Variants in ANKRD45 observed in about 807,000 individuals in gnomAD.
ANKRD45 encodes ankyrin repeat domain-containing protein 45.
In ANKRD45, 21 loss-of-function variants were observed where a neutral mutation model predicts 28.1. The ratio of observed to expected loss-of-function variants is 0.75; its 90% CI spans 0.53 to 1.08. The LOEUF (loss-of-function observed/expected upper bound fraction) is 1.08. Among genes scored for constraint, ANKRD45 ranks in the 50% least tolerant of loss-of-function variants. The pLI is 0.00. For synonymous variants in ANKRD45, 86 were observed against 103.9 expected (o/e 0.83, Z 1.05); for missense variants, 261 against 308.7 (o/e 0.85, Z 1.16).
At chr1:173,667,444 C>T (rs1670070665) in intron 1 of ANKRD45, among the ~76,000 whole-genome samples, 1 of 152,150 alleles carries the variant, frequency 6.6e-6, no homozygotes, top group South Asian at 2.1e-4. Context: ...TGGCTCACAC[C>T]TGTAATCACA....
the ANKRD45 span, among the ~76,000 whole-genome samples, chr1:173,696,166 G>A: frequency 4.6e-5 from 7 of 152,022 alleles, no homozygotes; most frequent in East Asian, 1.9e-4. Context: ...TGTCTCCCCC[G>A]GACACCCAGC....
chr1:173,635,539 A>T, intron 3 of ANKRD45: 1 of 1,530,398 alleles, frequency 6.5e-7, no homozygotes, highest in Non-Finnish European at 8.7e-7. Flanking sequence ...ATCAAAGACT[A>T]CCGCTGATTT....
chr1:173,682,176 G>C, the ANKRD45 span, among the ~76,000 whole-genome samples: 19 of 152,040 alleles, frequency 1.2e-4, no homozygotes, highest in African/African-American at 4.3e-4. Flanking sequence ...TCTGAGCTCT[G>C]GGCTGAGCCT....
intron 3 of ANKRD45, chr1:173,636,893 G>T: frequency 6.5e-7 from 1 of 1,535,752 alleles, no homozygotes; most frequent in South Asian, 1.2e-5. Flanking sequence ...CAACAACATT[G>T]ACCAAACACT....
chr1:173,614,576 G>A lies in ANKRD45; in HGVS notation c.731-4361C>T, dbSNP rs553466758. Reference sequence around the variant, plus strand: ...TTGGACAGCCACTTTCATAGATTTCGTATGCAAATCTGCCTGCTTGCTAAA... The same window carrying A: ...TTGGACAGCCACTTTCATAGATTTCATATGCAAATCTGCCTGCTTGCTAAA... On this transcript the variant is annotated intron_variant, in intron 5 of 5. Coordinates refer to ENST00000333279, the MANE Select transcript of ANKRD45 (RefSeq NM_198493.3). Among the ~76,000 whole-genome samples the A allele has an allele frequency of 6.2e-4, 94 of 151,998 alleles. No individual in the cohort carries two copies. The South Asian group carries it at 0.013, about 21-fold the overall frequency.
chr1:173,629,628 A>G (rs1370854261), intron 3 of ANKRD45, among the ~76,000 whole-genome samples: 1 of 152,122 alleles, frequency 6.6e-6, no homozygotes, highest in Non-Finnish European at 1.5e-5. Flanking sequence ...AAGAAAAAAG[A>G]ATAAAAAACA....
At chr1:173,708,426 G>A in the ANKRD45 span, among the ~76,000 whole-genome samples, 1 of 152,232 alleles carries the variant, frequency 6.6e-6, no homozygotes, top group Non-Finnish European at 1.5e-5. Context: ...CCCTCCAGAG[G>A]AGGTAGCAGC....
the ANKRD45 span, among the ~76,000 whole-genome samples, chr1:173,713,656 C>T: frequency 1.3e-5 from 2 of 151,976 alleles, no homozygotes; most frequent in Non-Finnish European, 2.9e-5. Flanking sequence ...CTGATGGCTC[C>T]ACCTGGACCC....
intron 3 of ANKRD45, among the ~76,000 whole-genome samples, chr1:173,641,016 C>A (rs1668677723): frequency 6.6e-6 from 1 of 152,142 alleles, no homozygotes; most frequent in South Asian, 2.1e-4. Context: ...ATGGGAAAGA[C>A]CCCCTAGGCA....
At chr1:173,682,632 A>C in the ANKRD45 span, among the ~76,000 whole-genome samples, 6 of 151,972 alleles carry the variant, frequency 3.9e-5, no homozygotes, top group East Asian at 9.7e-4. Context: ...TCAAATAAAA[A>C]GAAAAAGGAC....
the ANKRD45 span, among the ~76,000 whole-genome samples, chr1:173,690,297 A>C: frequency 0.012 from 1,797 of 151,602 alleles, 47 homozygotes; most frequent in African/African-American, 0.042. Flanking sequence ...GTAGAGGGGG[A>C]ATTTGGAATG....
the ANKRD45 span, among the ~76,000 whole-genome samples, chr1:173,697,360 T>C: frequency 2.6e-5 from 4 of 152,042 alleles, no homozygotes; most frequent in African/African-American, 7.2e-5. Context: ...AGACACATAA[T>C]TGTCAGATTC....
the ANKRD45 span, among the ~76,000 whole-genome samples, chr1:173,708,675 A>G: frequency 1.3e-5 from 2 of 152,260 alleles, no homozygotes; most frequent in South Asian, 4.1e-4. Context: ...AACTTATCCA[A>G]TAATGTGGAA....
Position 173,647,067 on chromosome 1 carries a change from A to G in ANKRD45, c.329-54T>C, listed in dbSNP as rs535679528. ...CAAACAGACTACATTGTTTTAGGCT[A>G]ATTTATGTAGTGGAAGATCATAATG... On this transcript the variant is annotated intron_variant, in intron 2 of 5. Coordinates refer to ENST00000333279, the MANE Select transcript of ANKRD45 (RefSeq NM_198493.3). The G allele has an allele frequency of 6.5e-6, 10 of 1,535,836 alleles. No individual in the cohort carries two copies. In the South Asian group the frequency reaches 1.2e-4, roughly 18 times the overall value.
the ANKRD45 span, among the ~76,000 whole-genome samples, chr1:173,684,802 A>G: frequency 6.6e-6 from 1 of 152,226 alleles, no homozygotes; most frequent in East Asian, 1.9e-4. Flanking sequence ...TCTGGCTAGT[A>G]GCCCCTAATT....
chr1:173,697,822 C>T, the ANKRD45 span, among the ~76,000 whole-genome samples: 1 of 152,072 alleles, frequency 6.6e-6, no homozygotes, highest in Non-Finnish European at 1.5e-5. Flanking sequence ...ACAATATTAA[C>T]CTTAAATGTA....
intron 5 of ANKRD45, among the ~76,000 whole-genome samples, chr1:173,620,321 T>C (rs1418476785): frequency 6.6e-6 from 1 of 152,178 alleles, no homozygotes; most frequent in Non-Finnish European, 1.5e-5. Flanking sequence ...CACAACTGCA[T>C]GGAAATTGAA....
intron 5 of ANKRD45, among the ~76,000 whole-genome samples, chr1:173,614,114 C>T (rs2102310907): frequency 6.6e-6 from 1 of 152,236 alleles, no homozygotes; most frequent in South Asian, 2.1e-4. Flanking sequence ...CTCAAGTACC[C>T]AGGGACACAA....
intron 2 of ANKRD45, 54 bp downstream of exon 2, chr1:173,659,037 T>C (rs1669666926): frequency 6.4e-7 from 1 of 1,571,162 alleles, no homozygotes; most frequent in Non-Finnish European, 8.6e-7. Flanking sequence ...AGATATTACA[T>C]TGCATCTTTA....
Sources: gnomAD v4.1 joint callset for allele counts (sites outside exome capture counted in the v4.1 genomes callset) on GRCh38, gnomAD v4.1.1 for gene constraint, MANE v1.5 for transcripts, NCBI Gene and HGNC (gene_info 2026-07-23, HGNC 2026-07-21) for gene names.